Variants in SHC2 observed in about 807,000 individuals in gnomAD.
SHC2 encodes SHC adaptor protein 2, also known as SHC-transforming protein 2.
SHC2 carries 62 observed loss-of-function variants against 60.6 expected under a neutral mutation model. The observed-to-expected ratio is 1.02, with a 90% CI of 0.83 to 1.26. The LOEUF is 1.26. Among genes scored for constraint, SHC2 ranks in the 50% most tolerant of loss-of-function variants. The pLI is 0.00. For missense variants in SHC2, 873 were observed against 822.2 expected (o/e 1.06, Z -0.76); for synonymous variants, 375 against 372.4 (o/e 1.01, Z -0.08).
intron 8 of SHC2, among the ~76,000 whole-genome samples, chr19:431,334 TTCA>T (rs1208975417): frequency 6.8e-6 from 1 of 147,246 alleles, no homozygotes; most frequent in Admixed American, 6.7e-5. Context: ...TAGATGGCGC[TTCA>T]TCGTGAGTGA....
intron 1 of SHC2, among the ~76,000 whole-genome samples, chr19:452,226 C>T (rs561897628): frequency 9.5e-4 from 128 of 134,566 alleles, no homozygotes; most frequent in African/African-American, 2.8e-3. Context: ...GTTGGGGCAT[C>T]GTACTGACTT....
Position 425,071 on chromosome 19 carries a change from C to T in SHC2, c.1309+26G>A, listed in dbSNP as rs765190181. ...CAGACAACACGGCCACACGCGATGA[C>T]GGCCGCCCCCCAGGCTGCCACATAC... is the stretch of plus-strand genomic sequence containing the variant. On this transcript the variant is annotated intron_variant, in intron 10 of 12. Coordinates refer to ENST00000264554, the MANE Select transcript of SHC2 (RefSeq NM_012435.3). This position sits in a 1 kb window ranked among gnomAD's most constrained non-coding sequence, Gnocchi z 4.1. The T allele has an allele frequency of 2.6e-5, 35 of 1,362,598 alleles. No homozygotes were observed. In the East Asian group the frequency reaches 3.0e-4, roughly 12 times the overall value. 84.4% of individuals were successfully genotyped at this position (1,362,598 alleles called of 1,614,324 possible). A position where few individuals can be genotyped will look rare whatever the true frequency, so the allele number is the denominator to read the frequency against.
chr19:436,577 G>C (rs774877859), intron 5 of SHC2, 53 bp downstream of exon 5: 1 of 1,588,710 alleles, frequency 6.3e-7, no homozygotes, highest in Non-Finnish European at 8.6e-7. Context: ...AGAGGGTCTC[G>C]CGGCCGGAGG....
intron 1 of SHC2, among the ~76,000 whole-genome samples, chr19:455,993 C>A (rs150432978): frequency 0.013 from 1,919 of 152,320 alleles, 34 homozygotes; most frequent in South Asian, 0.049. Flanking sequence ...GTGCCCCACA[C>A]AGGTGCGTGC....
rs1175416739 is a variant in SHC2 at position 441,034 on chromosome 19, G to C, written c.469-102C>G. The C allele has an allele frequency of 6.5e-7, 1 of 1,530,956 alleles. No individual in the cohort carries two copies. The highest frequency in any genetic ancestry group is 1.2e-5 in the South Asian group (1 of 85,666). The allele number at this position is 1,530,956 out of a possible 1,614,324, so 94.8% of individuals were successfully genotyped here. ...CGCCGCCTCCACCACCCCTGGGGTC[G>C]AGCCCTTTCCTCTGTCCCTGGTGGC... is the stretch of plus-strand genomic sequence containing the variant. On this transcript the variant is annotated intron_variant, in intron 1 of 12. Coordinates refer to ENST00000264554, the MANE Select transcript of SHC2 (RefSeq NM_012435.3). The surrounding 1 kb of genome is among the most constrained non-coding windows in gnomAD (Gnocchi z 4.9).
chr19:445,762 G>A lies in SHC2; in HGVS notation c.469-4830C>T, dbSNP rs750874316. ...TAAAAAACACATTTTTGCCGGGCGC[G>A]GTGGCTCACGCCTGTAATCCCAGCA... On this transcript the variant is annotated intron_variant, in intron 1 of 12. Transcript: ENST00000264554. This position sits in a 1 kb window ranked among gnomAD's most constrained non-coding sequence, Gnocchi z 4.4. Among the ~76,000 whole-genome samples the A allele has an allele frequency of 8.6e-5, 13 of 152,026 alleles. No individual in the cohort carries two copies. The highest frequency in any genetic ancestry group is 1.7e-4 in the African/African-American group (7 of 41,386).
At chr19:434,107 C>T (rs541365031) in intron 8 of SHC2, among the ~76,000 whole-genome samples, 1 of 98,458 alleles carries the variant, frequency 1.0e-5, no homozygotes, top group South Asian at 4.0e-4. Context: ...TGAGTGAGAT[C>T]GTGAGTGAGA....
Position 427,255 on chromosome 19 carries a change from G to A in SHC2, c.1175-2024C>T, listed in dbSNP as rs547599908. Among the ~76,000 whole-genome samples the A allele has an allele frequency of 2.4e-4, 37 of 152,350 alleles. No individual in the cohort carries two copies. In the South Asian group the frequency reaches 7.2e-3, roughly 30 times the overall value. ...ACAGGCAGCCGCAGGCGGGGCTGGT[G>A]GGCGAGCCGACTGCACAGCCGCCTC... On this transcript the variant is annotated intron_variant, in intron 9 of 12. Coordinates refer to ENST00000264554, the MANE Select transcript of SHC2 (RefSeq NM_012435.3).
At chr19:458,250 C>T (rs190679151) in intron 1 of SHC2, among the ~76,000 whole-genome samples, 1,968 of 81,380 alleles carry the variant, frequency 0.024, 256 homozygotes, top group African/African-American at 0.085. Context: ...AAGTGGGTTC[C>T]GGGGAGGCGG....
chr19:434,695 G>A lies in SHC2; in HGVS notation c.1110+14C>T, dbSNP rs757093337. The A allele has an allele frequency of 5.1e-5, 81 of 1,602,634 alleles. No homozygotes were observed. Among genetic ancestry groups the A allele is most frequent in the Non-Finnish European group, 6.7e-5 (79 of 1,175,790 alleles). On this transcript the variant is annotated intron_variant, in intron 8 of 12. Transcript: ENST00000264554. ...GGCATCCCTGTCCCCATCCCCCCGA[G>A]GGCAGAGGCTGACCTGGTCGAGGGC... is the stretch of plus-strand genomic sequence containing the variant.
rs984814878 is a variant in SHC2, at chr19:416,621, C to T, written c.*707G>A. Reference sequence around the variant, plus strand: ...GCCATTCCCAGGTTTAATTACAAACCGATCCGAACATCCCATCTGGGTCGA... The same window carrying T: ...GCCATTCCCAGGTTTAATTACAAACTGATCCGAACATCCCATCTGGGTCGA... On this transcript the variant is annotated 3_prime_UTR_variant, in exon 13 of 13. Coordinates refer to ENST00000264554, the MANE Select transcript of SHC2 (RefSeq NM_012435.3). The T allele has an allele frequency of 6.6e-6, 1 of 152,228 alleles. No individual in the cohort carries two copies. The highest frequency in any genetic ancestry group is 2.4e-5 in the African/African-American group (1 of 41,444). 9.4% of individuals were successfully genotyped at this position (152,228 alleles called of 1,614,324 possible).
rs555146159 is a variant in SHC2, at chr19:425,132, G to A, written c.1274C>T (p.Pro425Leu). ...VNTQGLDAPE[P>L]EDSPKKDLFD... ...CAGATCCTTTTTGGGGCTGTCCTCC[G>A]GCTCGGGGGCGTCCAGACCCTGGGT... Residue 425 changes from proline (P) to leucine (L), a missense_variant, in exon 10 of 13, where the codon CCG becomes CTG. By Grantham distance (98) the Pro-to-Leu change is moderately conservative. Coordinates refer to ENST00000264554, the MANE Select transcript of SHC2 (RefSeq NM_012435.3). This position sits in a 1 kb window ranked among gnomAD's most constrained non-coding sequence, Gnocchi z 4.1. 6.6e-5 allele frequency: 93 copies of A among 1,399,978 alleles called. No homozygotes were observed. The highest frequency in any genetic ancestry group is 1.9e-4 in the Middle Eastern group (1 of 5,190). 86.7% of individuals were successfully genotyped at this position (1,399,978 alleles called of 1,614,324 possible). A position where few individuals can be genotyped will look rare whatever the true frequency, so the allele number is the denominator to read the frequency against.
rs1974289811 is a variant in SHC2 at position 422,169 on chromosome 19, G to T, written c.1597C>A (p.Leu533Met). The stretch of plus-strand genomic sequence containing the variant: ...ACCACGCCCTCGGGGTCCACGAGCA[G>T]CAGGTGCTTGGGCTGCCCGGCGTGC... ...GMHAGQPKHL[L>M]LVDPEGVVRT... Residue 533 changes from leucine (L) to methionine (M), a missense_variant, in exon 11 of 13, where the codon CTG (leucine) becomes ATG (methionine). Leu to Met is a conservative substitution (Grantham distance 15). Transcript: ENST00000264554. The surrounding 1 kb of genome is among the most constrained non-coding windows in gnomAD (Gnocchi z 5.0). 6.8e-6 allele frequency: 11 copies of T among 1,611,324 alleles called. No homozygotes were observed. Among genetic ancestry groups the T allele is most frequent in the Non-Finnish European group, 9.3e-6 (11 of 1,178,850 alleles).
At position 441,469 on chromosome 19, in the gene SHC2, C is replaced by T. The variant is rs989269312; in HGVS notation, c.469-537G>A. ...CTCAATGACTGATAATACTGAGGGA[C>T]GAGAGGGGCAGAGGCGTCCCACCGA... On this transcript the variant is annotated intron_variant, in intron 1 of 12. Transcript: ENST00000264554. This position sits in a 1 kb window ranked among gnomAD's most constrained non-coding sequence, Gnocchi z 4.9. Among the ~76,000 whole-genome samples, 1 of 151,884 alleles carries T rather than the reference C, an allele frequency of 6.6e-6. No individual in the cohort carries two copies. Among genetic ancestry groups the T allele is most frequent in the African/African-American group, 2.4e-5 (1 of 41,320 alleles).
At position 460,714 on chromosome 19, in the gene SHC2, C is replaced by T; in HGVS notation, c.283G>A (p.Ala95Thr). 1.0e-6 allele frequency: 1 copy of T among 998,688 alleles called. No individual in the cohort carries two copies. Among genetic ancestry groups the T allele is most frequent in the Non-Finnish European group, 1.2e-6 (1 of 841,968 alleles). The allele number at this position is 998,688 out of a possible 1,614,324, so 61.9% of individuals were successfully genotyped here. A position where few individuals can be genotyped will look rare whatever the true frequency, so the allele number is the denominator to read the frequency against. Reference protein sequence around the residue: ...PRCAAPCPLPALSRCRGAGSR... With the variant: ...PRCAAPCPLPTLSRCRGAGSR... ...CCCGCGCCCCGACAGCGGCTGAGCG[C>T]GGGCAGGGGACAGGGCGCGGCGCAG... Residue 95 changes from alanine to threonine, a missense_variant, in exon 1 of 13, where the codon GCG becomes ACG. By Grantham distance (58) the Ala-to-Thr change is moderately conservative. Coordinates refer to ENST00000264554, the MANE Select transcript of SHC2 (RefSeq NM_012435.3).
intron 9 of SHC2, among the ~76,000 whole-genome samples, chr19:428,464 G>A (rs1188761622): frequency 3.3e-5 from 5 of 152,232 alleles, no homozygotes; most frequent in Non-Finnish European, 7.3e-5. Flanking sequence ...GAAGTCTGGC[G>A]TGCACAGTGT....
At chr19:442,918 G>GATGGATGGGTGGGTGGATAGATGA (rs1287735346) in intron 1 of SHC2, among the ~76,000 whole-genome samples, 1 of 18,040 alleles carries the variant, frequency 5.5e-5, no homozygotes, top group African/African-American at 4.0e-4. Flanking sequence ...TGGACGGGTG[G>GATGGATGGGTGGGTGGATAGATGA]GTGGATGGGT....
intron 9 of SHC2, among the ~76,000 whole-genome samples, chr19:427,282 A>G (rs1262010374): frequency 6.6e-6 from 1 of 152,230 alleles, no homozygotes; most frequent in Non-Finnish European, 1.5e-5. Context: ...AGCCGCCTCC[A>G]GGGTGGACTG....
chr19:457,954 CGGGGAGGCGGAAGCGGGTCCT>C (rs1209558149), intron 1 of SHC2, among the ~76,000 whole-genome samples: 7,116 of 151,568 alleles, frequency 0.047, 406 homozygotes, highest in African/African-American at 0.14. Flanking sequence ...AAGTGGGTCC[CGGGGAGGCGGAAGCGGGTCCT>C]GGGGAGGCGG....
Sources: gnomAD v4.1 joint callset for allele counts (sites outside exome capture counted in the v4.1 genomes callset) on GRCh38, gnomAD v4.1.1 for gene constraint, Gnocchi (gnomAD v3.1) non-coding constraint, MANE v1.5 for transcripts, NCBI Gene and HGNC (gene_info 2026-07-23, HGNC 2026-07-21) for gene names.